Variants in ARSG observed in about 807,000 individuals in gnomAD.
ARSG encodes arylsulfatase G.
Under a neutral mutation model 50.5 loss-of-function variants are expected in ARSG, and 37 were observed. The observed-to-expected ratio is 0.73, with a 90% confidence interval of 0.56 to 0.96. The LOEUF (loss-of-function observed/expected upper bound fraction) is 0.96. Among genes scored for constraint, ARSG ranks in the 50% least tolerant of loss-of-function variants. The probability of loss-of-function intolerance (pLI) is 0.00; values close to 1 mark genes in which losing one functional copy is unlikely to be tolerated. For missense variants in ARSG, 629 were observed against 675.3 expected (o/e 0.93, Z 0.76); for synonymous variants, 225 against 254.6 (o/e 0.88, Z 1.11).
chr17:68,299,744 C>G (rs1361348556), intron 1 of ARSG, among the ~76,000 whole-genome samples: 2 of 152,102 alleles, frequency 1.3e-5, no homozygotes, highest in African/African-American at 2.4e-5. Flanking sequence ...CTGATTAGAA[C>G]AAACCAACTG....
At chr17:68,377,299 G>A (rs1198149064) in intron 8 of ARSG, among the ~76,000 whole-genome samples, 2 of 152,240 alleles carry the variant, frequency 1.3e-5, no homozygotes, top group Non-Finnish European at 2.9e-5. Context: ...CATTCTCCAA[G>A]TCACGTGACT....
At chr17:68,370,101 G>T (rs1373531122) in intron 7 of ARSG, among the ~76,000 whole-genome samples, 1 of 152,068 alleles carries the variant, frequency 6.6e-6, no homozygotes, top group Non-Finnish European at 1.5e-5. Context: ...TGCAACCTCC[G>T]CCTCCTGGGT....
intron 5 of ARSG, among the ~76,000 whole-genome samples, chr17:68,353,927 C>T (rs970505713): frequency 1.3e-5 from 2 of 151,754 alleles, no homozygotes; most frequent in Admixed American, 6.6e-5. Flanking sequence ...GTCTTGAACT[C>T]CTGACCTCAA....
At chr17:68,299,326 A>G (rs1169652028) in intron 1 of ARSG, among the ~76,000 whole-genome samples, 1 of 152,038 alleles carries the variant, frequency 6.6e-6, no homozygotes, top group African/African-American at 2.4e-5. Flanking sequence ...GCTGGTCTCG[A>G]ACTCCTGACG....
At chr17:68,396,818 C>A (rs1287203828) in intron 10 of ARSG, among the ~76,000 whole-genome samples, 2 of 152,142 alleles carry the variant, frequency 1.3e-5, no homozygotes, top group African/African-American at 4.8e-5. Flanking sequence ...TGCTTCTCCC[C>A]AGAATATCTG....
At chr17:68,303,895 G>A (rs2145518364) in intron 1 of ARSG, among the ~76,000 whole-genome samples, 1 of 152,356 alleles carries the variant, frequency 6.6e-6, no homozygotes, top group East Asian at 1.9e-4. Flanking sequence ...TTCCCTGGAG[G>A]TGTGGGTGTG....
rs945905752 is a variant in ARSG at position 68,378,082 on chromosome 17, G to A, written c.983-6982G>A. On this transcript the variant is annotated intron_variant, in intron 8 of 11. Transcript: ENST00000621439. This position sits in a 1 kb window ranked among gnomAD's most constrained non-coding sequence, Gnocchi z 4.4. ...GCCTGGAATGCTGCTGGAGCTCTGG[G>A]AAGCCAGGCAGCGCCCTGCTCAGCA... Among the ~76,000 whole-genome samples, 2 of 152,198 alleles carry A rather than the reference G, an allele frequency of 1.3e-5. No homozygotes were observed. Among genetic ancestry groups the A allele is most frequent in the African/African-American group, 4.8e-5 (2 of 41,448 alleles).
At chr17:68,426,251 G>GGGGGA, downstream of ARSG, 1 of 825,460 alleles carries the variant, frequency 1.2e-6, no homozygotes, top group Non-Finnish European at 1.9e-6. Context: ...GTGGGGAGCG[G>GGGGGA]GGGCTCAAAT....
At chr17:68,384,329 C>T (rs1392565025) in intron 8 of ARSG, among the ~76,000 whole-genome samples, 3 of 152,090 alleles carry the variant, frequency 2.0e-5, no homozygotes, top group Non-Finnish European at 2.9e-5. Context: ...TCTTCCAGCC[C>T]GCTAGCTATC....
At chr17:68,308,544 G>A (rs567872064) in intron 2 of ARSG, among the ~76,000 whole-genome samples, 106 of 152,326 alleles carry the variant, frequency 7.0e-4, no homozygotes, top group African/African-American at 2.5e-3. Flanking sequence ...AAGCAGTGTG[G>A]ACCCAAAGAG....
chr17:68,287,550 G>C (rs1380820941), upstream of ARSG, among the ~76,000 whole-genome samples: 1 of 152,144 alleles, frequency 6.6e-6, no homozygotes, highest in Non-Finnish European at 1.5e-5. Context: ...CTTTATGTCT[G>C]AGCTATTCTA....
chr17:68,419,548 G>T (rs867856376), intron 11 of ARSG, among the ~76,000 whole-genome samples: 1 of 152,198 alleles, frequency 6.6e-6, no homozygotes, highest in Non-Finnish European at 1.5e-5. Flanking sequence ...TTGCACTCCA[G>T]CCTGGGTGAC....
At chr17:68,365,245 G>T (rs1269657229) in intron 6 of ARSG, among the ~76,000 whole-genome samples, 3 of 152,212 alleles carry the variant, frequency 2.0e-5, no homozygotes, top group Admixed American at 2.0e-4. Context: ...CTGGGAGGCG[G>T]AGGTTGTAGT....
chr17:68,447,541 C>T, the ARSG span, among the ~76,000 whole-genome samples: 1 of 151,818 alleles, frequency 6.6e-6, no homozygotes, highest in Non-Finnish European at 1.5e-5. Context: ...GCCACCATGC[C>T]CAGCTAATTT....
intron 1 of ARSG, chr17:68,267,435 A>G (rs1320716775): frequency 2.0e-5 from 3 of 152,084 alleles, no homozygotes; most frequent in Non-Finnish European, 2.9e-5. Flanking sequence ...AGATTGTCCT[A>G]TTTCTATGGC....
rs866362912 is a variant in ARSG, at chr17:68,352,159, G to C, written c.566+473G>C. Among the ~76,000 whole-genome samples the C allele has an allele frequency of 1.7e-3, 120 of 68,862 alleles. 4 individuals carry two copies. The highest frequency in any genetic ancestry group is 4.3e-3 in the African/African-American group (102 of 23,632). The allele number at this position is 68,862 out of a possible 152,430, so 45.2% of individuals were successfully genotyped here. On this transcript the variant is annotated intron_variant, in intron 5 of 11. Coordinates refer to ENST00000621439, the MANE Select transcript of ARSG (RefSeq NM_001267727.2). ...GAGACAGAGGAGAGAGAGAGAGAGA[G>C]AGACAGAGAGAGAGAGAGAGAGAGA...
chr17:68,434,475 G>T, the ARSG span: 1 of 1,474,510 alleles, frequency 6.8e-7, no homozygotes, highest in Non-Finnish European at 9.3e-7. Context: ...GCCACTCTCT[G>T]TCCTCTCCCT....
chr17:68,379,800 A>G (rs529136762), intron 8 of ARSG: 1 of 985,392 alleles, frequency 1.0e-6, no homozygotes, highest in East Asian at 1.1e-4. Flanking sequence ...AGGCATGCCC[A>G]ACCAAACTGT....
intron 1 of ARSG, among the ~76,000 whole-genome samples, chr17:68,272,332 C>T (rs575447357): frequency 1.1e-4 from 16 of 152,264 alleles, no homozygotes; most frequent in South Asian, 2.1e-4. Context: ...TTTTGAAAAA[C>T]GAGAGGACAT....
Sources: gnomAD v4.1 joint callset for allele counts (sites outside exome capture counted in the v4.1 genomes callset) on GRCh38, gnomAD v4.1.1 for gene constraint, Gnocchi (gnomAD v3.1) non-coding constraint, MANE v1.5 for transcripts, NCBI Gene and HGNC (gene_info 2026-07-23, HGNC 2026-07-21) for gene names.